Variants in CACNA2D1 observed in about 807,000 individuals in gnomAD.
CACNA2D1 encodes voltage-dependent calcium channel subunit alpha-2/delta-1.
In CACNA2D1, 53 loss-of-function variants were observed where a neutral mutation model predicts 171.5. The ratio of observed to expected loss-of-function variants is 0.31; its 90% CI spans 0.25 to 0.39. The LOEUF is 0.39. Ranked by LOEUF, CACNA2D1 falls within the 10% of genes least tolerant of loss-of-function variation. The pLI is 1.00. For missense variants in CACNA2D1, 903 were observed against 1,299.8 expected (o/e 0.69, Z 4.69); for synonymous variants, 442 against 443.1 (o/e 1.00, Z 0.03).
At chr7:82,129,982 T>C (rs1043917255) in intron 5 of CACNA2D1, among the ~76,000 whole-genome samples, 1 of 152,212 alleles carries the variant, frequency 6.6e-6, no homozygotes, top group African/African-American at 2.4e-5. Context: ...TACACAAGTC[T>C]GGACTAAGGT....
chr7:81,961,206 G>A (rs1050119397), intron 36 of CACNA2D1, among the ~76,000 whole-genome samples: 1 of 151,796 alleles, frequency 6.6e-6, no homozygotes, highest in Non-Finnish European at 1.5e-5. Context: ...CTCCTCTCAG[G>A]AATCCTGTGG....
chr7:82,006,406 G>T (rs1295533215), intron 16 of CACNA2D1, among the ~76,000 whole-genome samples: 1 of 152,028 alleles, frequency 6.6e-6, no homozygotes, highest in Non-Finnish European at 1.5e-5. Context: ...AGGCATCATA[G>T]TTTTAGGTGC....
intron 3 of CACNA2D1, among the ~76,000 whole-genome samples, chr7:82,324,391 T>TAAA (rs58332794): frequency 1.8e-4 from 26 of 142,664 alleles, no homozygotes; most frequent in African/African-American, 4.7e-4. Context: ...GGAGTTGTTT[T>TAAA]AAAAAAAAAA....
Position 81,970,700 on chromosome 7 carries a change from C to T in CACNA2D1, c.2179G>A (p.Gly727Arg). Residue 727 changes from glycine to arginine, a missense_variant, in exon 27 of 39, where the codon GGG becomes AGG. Transcript: ENST00000356860. Reference protein sequence around the residue: ...VKARFVVTDGGITRVYPKEAG... With the variant: ...VKARFVVTDGRITRVYPKEAG... ...TCTTTGGGATAAACTCTGGTAATCC[C>T]ACCATCAGTCACAACAAATCGTGCT... is the stretch of plus-strand genomic sequence containing the variant. 6.3e-7 allele frequency: 1 copy of T among 1,590,720 alleles called. No homozygotes were observed. The highest frequency in any genetic ancestry group is 8.6e-7 in the Non-Finnish European group (1 of 1,159,384).
At chr7:82,048,105 A>G (rs183033501) in intron 10 of CACNA2D1, among the ~76,000 whole-genome samples, 10 of 152,248 alleles carry the variant, frequency 6.6e-5, no homozygotes, top group African/African-American at 2.2e-4. Flanking sequence ...CACATCACCA[A>G]TGAATTCTTA....
At chr7:82,225,709 G>A (rs1421409586) in intron 3 of CACNA2D1, among the ~76,000 whole-genome samples, 3 of 149,066 alleles carry the variant, frequency 2.0e-5, no homozygotes, top group African/African-American at 7.8e-5. Flanking sequence ...CTAGAGGAAT[G>A]TCTATCCAAC....
At chr7:82,116,823 T>C (rs772484720) in intron 6 of CACNA2D1, among the ~76,000 whole-genome samples, 7 of 152,216 alleles carry the variant, frequency 4.6e-5, no homozygotes, top group Non-Finnish European at 1.0e-4. Context: ...ACTCCATGGA[T>C]GCAGGCTGTC....
chr7:82,041,395 A>C (rs1335495975), intron 10 of CACNA2D1, among the ~76,000 whole-genome samples: 1 of 152,130 alleles, frequency 6.6e-6, no homozygotes, highest in Non-Finnish European at 1.5e-5. Context: ...AAGCTGACCG[A>C]GCCAGGTGGT....
At chr7:81,980,658 A>G (rs1250127346) in intron 24 of CACNA2D1, among the ~76,000 whole-genome samples, 1 of 152,120 alleles carries the variant, frequency 6.6e-6, no homozygotes, top group Admixed American at 6.6e-5. Context: ...AATACAGGGT[A>G]AATATGAAAG....
intron 1 of CACNA2D1, among the ~76,000 whole-genome samples, chr7:82,441,752 A>G (rs182691172): frequency 2.0e-4 from 30 of 152,332 alleles, no homozygotes; most frequent in African/African-American, 6.7e-4. Context: ...AAAAATGAGT[A>G]ATCGGAACAC....
Position 82,191,931 on chromosome 7 carries a change from T to A in CACNA2D1, c.295-21322A>T, listed in dbSNP as rs144216706. Among the ~76,000 whole-genome samples the A allele has an allele frequency of 1.2e-3, 183 of 151,940 alleles. 1 individual carries two copies. Among genetic ancestry groups the A allele is most frequent in the African/African-American group, 3.7e-3 (154 of 41,526 alleles). ...TTCATCTTAGAAATACAAAGAATGA[T>A]TATTATCATCTATTGTGAGTGTAAG... On this transcript the variant is annotated intron_variant, in intron 3 of 38. Transcript: ENST00000356860.
At chr7:82,260,176 C>G (rs887849321) in intron 3 of CACNA2D1, among the ~76,000 whole-genome samples, 1 of 152,066 alleles carries the variant, frequency 6.6e-6, no homozygotes, top group Non-Finnish European at 1.5e-5. Context: ...GAGCCAAGAT[C>G]ATAGCATTGC....
intron 1 of CACNA2D1, among the ~76,000 whole-genome samples, chr7:82,395,960 C>G (rs1007636728): frequency 6.6e-6 from 1 of 152,154 alleles, no homozygotes; most frequent in Non-Finnish European, 1.5e-5. Flanking sequence ...AAATCCTATG[C>G]AGACTACAGA....
chr7:82,196,208 C>A (rs146568277), intron 3 of CACNA2D1, among the ~76,000 whole-genome samples: 51 of 152,194 alleles, frequency 3.4e-4, no homozygotes, highest in Admixed American at 7.9e-4. Flanking sequence ...AGTCCATATA[C>A]ATGGTCTAAT....
At chr7:82,163,231 A>T (rs781102046) in intron 4 of CACNA2D1, among the ~76,000 whole-genome samples, 1 of 152,112 alleles carries the variant, frequency 6.6e-6, no homozygotes, top group African/African-American at 2.4e-5. Context: ...GTACCTCTAT[A>T]TTAAAATTAT....
Position 81,950,509 on chromosome 7 carries a change from CTGT to C in CACNA2D1, c.3160-4_3160-2del, listed in dbSNP as rs575825200. 10 of 1,606,756 alleles carry C rather than the reference CTGT, an allele frequency of 6.2e-6. No homozygotes were observed. Among genetic ancestry groups the C allele is most frequent in the South Asian group, 4.5e-5 (4 of 89,500 alleles). ...CACCACCACAGTCAGTATAATCCTCCTGTTGTTAAAAAAAAAAGAAAAGAACAG... is the reference window on the plus strand; with the variant it reads ...CACCACCACAGTCAGTATAATCCTCCTGTTAAAAAAAAAAGAAAAGAACAG... On this transcript the variant is annotated splice_acceptor_variant and splice_polypyrimidine_tract_variant and intron_variant, in intron 38 of 38. Transcript: ENST00000356860. LOFTEE classifies it high-confidence loss of function.
intron 22 of CACNA2D1, 91 bp from the exon 23 acceptor site, chr7:81,983,425 C>T (rs762715915): frequency 1.1e-6 from 1 of 932,220 alleles, no homozygotes; most frequent in Non-Finnish European, 1.7e-6. Context: ...TATTCAATGA[C>T]TTTCTTGAAT....
intron 6 of CACNA2D1, among the ~76,000 whole-genome samples, chr7:82,089,336 G>C (rs1810856965): frequency 6.6e-6 from 1 of 152,162 alleles, no homozygotes. Context: ...TAGATTAGGA[G>C]TAAAATTAGT....
chr7:82,146,479 T>G (rs190357918), intron 4 of CACNA2D1, among the ~76,000 whole-genome samples: 1,607 of 145,038 alleles, frequency 0.011, 36 homozygotes, highest in African/African-American at 0.039. Flanking sequence ...TATCTTTATA[T>G]ATACATATTT....
Sources: allele counts gnomAD v4.1 joint callset (sites outside exome capture counted in the v4.1 genomes callset), GRCh38; gene constraint gnomAD v4.1.1; transcripts MANE v1.5; gene names NCBI Gene and HGNC (gene_info 2026-07-23, HGNC 2026-07-21).